ERBIN: variants seen among roughly 807,000 people sequenced by gnomAD.
ERBIN encodes densin-180-like protein.
ERBIN carries 60 observed loss-of-function variants against 158.4 expected under a neutral mutation model. That is an observed-to-expected ratio of 0.38 (90% CI 0.31 to 0.47). The LOEUF is 0.47. Ranked by LOEUF, ERBIN falls within the 20% of genes least tolerant of loss-of-function variation. The pLI, the probability that ERBIN is intolerant of heterozygous loss-of-function variation, is 0.99. For synonymous variants in ERBIN, 594 were observed against 557.2 expected (o/e 1.07, Z -0.93); for missense variants, 1,610 against 1,648.0 (o/e 0.98, Z 0.40).
At chr5:66,066,872 G>C (rs1323998507) in intron 21 of ERBIN, among the ~76,000 whole-genome samples, 1 of 152,216 alleles carries the variant, frequency 6.6e-6, no homozygotes. Context: ...TTACGTGGAT[G>C]TCTGCACAAA....
At chr5:65,951,711 C>T (rs1454074978) in intron 1 of ERBIN, among the ~76,000 whole-genome samples, 5 of 152,092 alleles carry the variant, frequency 3.3e-5, no homozygotes, top group Non-Finnish European at 7.4e-5. Context: ...ATTCGTAAAG[C>T]TATGTATAAA....
At chr5:65,983,598 TACAC>T (rs1750879285) in intron 1 of ERBIN, among the ~76,000 whole-genome samples, 1 of 152,104 alleles carries the variant, frequency 6.6e-6, no homozygotes, top group South Asian at 2.1e-4. Context: ...TAAATGATCT[TACAC>T]AACCACTAAA....
chr5:66,040,863 AAAAG>A (rs1405544847), intron 15 of ERBIN, among the ~76,000 whole-genome samples: 3 of 151,862 alleles, frequency 2.0e-5, no homozygotes, highest in Non-Finnish European at 2.9e-5. Context: ...AAAGAGGAAA[AAAAG>A]AAAGATTCTA....
At chr5:66,004,289 A>G (rs551878147) in intron 4 of ERBIN, among the ~76,000 whole-genome samples, 22 of 152,228 alleles carry the variant, frequency 1.4e-4, no homozygotes, top group Non-Finnish European at 2.4e-4. Context: ...AAGAAGAAGC[A>G]TTATTTATTG....
intron 1 of ERBIN, among the ~76,000 whole-genome samples, chr5:65,973,918 A>G (rs75455932): frequency 0.042 from 6,379 of 151,380 alleles, 776 homozygotes; most frequent in African/African-American, 0.15. Flanking sequence ...GAATCAGTTT[A>G]GAATCTATTG....
At chr5:65,941,175 A>G (rs1744964221) in intron 1 of ERBIN, among the ~76,000 whole-genome samples, 1 of 152,098 alleles carries the variant, frequency 6.6e-6, no homozygotes, top group African/African-American at 2.4e-5. Context: ...GGACACAAAC[A>G]CTGTGGAAGG....
intron 21 of ERBIN, among the ~76,000 whole-genome samples, chr5:66,065,588 G>A (rs1245300554): frequency 7.5e-6 from 1 of 133,282 alleles, no homozygotes; most frequent in Non-Finnish European, 1.6e-5. Flanking sequence ...GATTAATTTT[G>A]ACCTGTGTGT....
intron 1 of ERBIN, among the ~76,000 whole-genome samples, chr5:65,983,694 G>C (rs1224315527): frequency 6.6e-6 from 1 of 152,176 alleles, no homozygotes; most frequent in Non-Finnish European, 1.5e-5. Context: ...ACATAAGATT[G>C]CTCTTAAATC....
intron 2 of ERBIN, among the ~76,000 whole-genome samples, chr5:65,989,909 T>C (rs1025399909): frequency 6.6e-6 from 1 of 152,320 alleles, no homozygotes; most frequent in East Asian, 1.9e-4. Flanking sequence ...AACAAGAAAT[T>C]TTGTATTCAT....
At chr5:65,946,979 A>G (rs973160478) in intron 1 of ERBIN, among the ~76,000 whole-genome samples, 20 of 151,576 alleles carry the variant, frequency 1.3e-4, no homozygotes, top group South Asian at 8.3e-4. Flanking sequence ...TAAGTATTGA[A>G]TTTTGAGAGT....
intron 18 of ERBIN, among the ~76,000 whole-genome samples, 190 bp downstream of exon 18, chr5:66,046,728 A>G (rs1429576624): frequency 1.3e-5 from 2 of 152,194 alleles, no homozygotes; most frequent in African/African-American, 4.8e-5. Context: ...CTTTGTATTC[A>G]GATGTTTATG....
chr5:66,017,467 G>A (rs1466371971), intron 7 of ERBIN, among the ~76,000 whole-genome samples: 1 of 149,784 alleles, frequency 6.7e-6, no homozygotes, highest in African/African-American at 2.5e-5. Context: ...TCATTTGCAC[G>A]TCTTCTTTTG....
At chr5:66,034,157 A>G (rs1039098823) in intron 14 of ERBIN, among the ~76,000 whole-genome samples, 2 of 150,902 alleles carry the variant, frequency 1.3e-5, no homozygotes, top group African/African-American at 4.9e-5. Context: ...TGGATAATGG[A>G]TGGAAACTGA....
chr5:65,951,985 A>T (rs1160954242), intron 1 of ERBIN, among the ~76,000 whole-genome samples: 1 of 152,162 alleles, frequency 6.6e-6, no homozygotes. Flanking sequence ...TTTACTTTGC[A>T]AGTTTGAATC....
chr5:66,038,579 G>A, intron 15 of ERBIN, 97 bp downstream of exon 15: 1 of 853,068 alleles, frequency 1.2e-6, no homozygotes, highest in Non-Finnish European at 1.8e-6. Context: ...CCAGTTTGAT[G>A]GGACTTCAGA....
intron 23 of ERBIN, 73 bp downstream of exon 23, chr5:66,075,303 A>G: frequency 1.7e-6 from 2 of 1,210,390 alleles, no homozygotes; most frequent in Non-Finnish European, 2.4e-6. Flanking sequence ...CTTAATTATT[A>G]GTAAATCCAT....
chr5:66,071,333 C>T (rs1761508205), intron 21 of ERBIN, among the ~76,000 whole-genome samples: 1 of 152,032 alleles, frequency 6.6e-6, no homozygotes, highest in Non-Finnish European at 1.5e-5. Context: ...CACACCACTG[C>T]ACTACAGCCT....
intron 1 of ERBIN, among the ~76,000 whole-genome samples, chr5:65,969,390 T>G (rs1749007753): frequency 6.6e-6 from 1 of 152,234 alleles, no homozygotes; most frequent in Admixed American, 6.5e-5. Flanking sequence ...GTAAAGCCAC[T>G]CAATATGGCT....
In ERBIN at chr5:66,063,333, C is replaced by T. The variant is rs368268225; in HGVS notation, c.3633+8382C>T. 3.1e-4 allele frequency among the ~76,000 whole-genome samples: 47 copies of T among 152,348 alleles called. 1 individual carries two copies. In the East Asian group the frequency reaches 4.1e-3, roughly 13 times the overall value. ...CGAGGCTCCATGGGCGTAGGACCCT[C>T]CGAGCCAGTTGCGGGATATAATCTC... On this transcript the variant is annotated intron_variant, in intron 21 of 25. Transcript: ENST00000284037.
Sources: allele counts gnomAD v4.1 joint callset (sites outside exome capture counted in the v4.1 genomes callset), GRCh38; gene constraint gnomAD v4.1.1; transcripts MANE v1.5; gene names NCBI Gene and HGNC (gene_info 2026-07-23, HGNC 2026-07-21).